The following SPOCK1 variants were observed in gnomAD, a reference collection of about 807,000 sequenced individuals.
SPOCK1 encodes SPARC (osteonectin), cwcv and kazal like domains proteoglycan 1.
SPOCK1 carries 23 observed loss-of-function variants against 55.3 expected under a neutral mutation model. The ratio of observed to expected loss-of-function variants is 0.42; its 90% CI spans 0.30 to 0.59. The LOEUF (loss-of-function observed/expected upper bound fraction) is 0.59, where lower values mean the gene tolerates loss of function less well. Among genes scored for constraint, SPOCK1 ranks in the 20% least tolerant of loss-of-function variants. The pLI, the probability that SPOCK1 is intolerant of heterozygous loss-of-function variation, is 0.22. For synonymous variants in SPOCK1, 226 were observed against 221.0 expected, an observed-to-expected ratio of 1.02 and a Z score of -0.20; for missense variants, 499 against 552.5, an observed-to-expected ratio of 0.90 and a Z score of 0.97.
At chr5:137,108,719 C>G (rs1213414625) in intron 5 of SPOCK1, among the ~76,000 whole-genome samples, 2 of 152,122 alleles carry the variant, frequency 1.3e-5, no homozygotes, top group Non-Finnish European at 2.9e-5. Context: ...CAGGCTGGTG[C>G]AGGAATTCAA....
At chr5:137,089,666 C>T (rs918209339) in intron 5 of SPOCK1, among the ~76,000 whole-genome samples, 4 of 152,156 alleles carry the variant, frequency 2.6e-5, no homozygotes, top group African/African-American at 9.7e-5. Flanking sequence ...ACTTTAATGT[C>T]TCTACTAAAA....
chr5:137,466,310 A>T (rs868394556), intron 2 of SPOCK1, among the ~76,000 whole-genome samples: 1 of 152,186 alleles, frequency 6.6e-6, no homozygotes, highest in Non-Finnish European at 1.5e-5. Context: ...GGGTATTAAG[A>T]GGGTCATGCC....
chr5:137,099,598 A>ATATATG (rs1222964069), intron 5 of SPOCK1, among the ~76,000 whole-genome samples: 1 of 152,044 alleles, frequency 6.6e-6, no homozygotes, highest in African/African-American at 2.4e-5. Flanking sequence ...ATATATGTAC[A>ATATATG]CATATATATA....
chr5:137,189,909 G>C (rs1015667008), intron 3 of SPOCK1, among the ~76,000 whole-genome samples: 1 of 151,878 alleles, frequency 6.6e-6, no homozygotes. Context: ...AATGCTCATG[G>C]GCGACTTTGA....
intron 5 of SPOCK1, among the ~76,000 whole-genome samples, chr5:137,091,501 C>G (rs562600019): frequency 6.6e-6 from 1 of 152,178 alleles, no homozygotes; most frequent in African/African-American, 2.4e-5. Flanking sequence ...CCACTGGCAG[C>G]CTTTACATTT....
At chr5:137,455,799 TG>T (rs1753352476) in intron 2 of SPOCK1, among the ~76,000 whole-genome samples, 1 of 151,896 alleles carries the variant, frequency 6.6e-6, no homozygotes. Flanking sequence ...GAGGTCGAGG[TG>T]GGAGGATCGC....
chr5:137,067,901 A>T, intron 5 of SPOCK1, 72 bp from the exon 6 acceptor site: 1 of 1,260,876 alleles, frequency 7.9e-7, no homozygotes. Flanking sequence ...CCTAAGAAAC[A>T]GCAGTGCCCT....
chr5:137,228,409 G>C lies in SPOCK1; in HGVS notation c.232+38601C>G, dbSNP rs569096073. On this transcript the variant is annotated intron_variant, in intron 3 of 10. Transcript: ENST00000394945. ...TAATGCTAGCACTTTGGGAGGCTGA[G>C]GTGGGTGGATCACTTGAGGCCAGGA... is the stretch of plus-strand genomic sequence containing the variant. 6.0e-4 allele frequency among the ~76,000 whole-genome samples: 92 copies of C among 152,212 alleles called. 1 individual carries two copies. The highest frequency in any genetic ancestry group is 1.2e-3 in the Non-Finnish European group (81 of 68,042).
chr5:137,443,517 G>A (rs750710173), intron 2 of SPOCK1, among the ~76,000 whole-genome samples: 25 of 152,170 alleles, frequency 1.6e-4, no homozygotes, highest in Non-Finnish European at 3.5e-4. Flanking sequence ...GCAGATGGCT[G>A]TCCCAGGCCA....
intron 2 of SPOCK1, among the ~76,000 whole-genome samples, chr5:137,318,516 G>C (rs1395095590): frequency 1.3e-5 from 2 of 152,182 alleles, no homozygotes; most frequent in Non-Finnish European, 2.9e-5. Context: ...TCAGTACCTT[G>C]AGAAGAGGTA....
chr5:137,011,390 C>T (rs1751345377), intron 6 of SPOCK1, among the ~76,000 whole-genome samples: 1 of 152,072 alleles, frequency 6.6e-6, no homozygotes, highest in African/African-American at 2.4e-5. Context: ...TAAGGACTCC[C>T]AGGAATTATA....
intron 4 of SPOCK1, among the ~76,000 whole-genome samples, chr5:137,121,628 C>G (rs1024132282): frequency 4.8e-5 from 7 of 145,714 alleles, no homozygotes; most frequent in Admixed American, 1.4e-4. Context: ...GAACATTATT[C>G]TTTATTACAT....
intron 3 of SPOCK1, among the ~76,000 whole-genome samples, chr5:137,216,408 T>C (rs767197714): frequency 6.6e-6 from 1 of 152,240 alleles, no homozygotes; most frequent in African/African-American, 2.4e-5. Context: ...GCAATGTTTC[T>C]TTCAAGGATC....
At chr5:137,213,019 G>A (rs867491538) in intron 3 of SPOCK1, among the ~76,000 whole-genome samples, 4 of 152,186 alleles carry the variant, frequency 2.6e-5, no homozygotes, top group Admixed American at 1.3e-4. Context: ...ATGCACTGCA[G>A]AGGCCTCTGC....
chr5:137,315,926 G>A (rs1757872671), intron 2 of SPOCK1, among the ~76,000 whole-genome samples: 1 of 152,190 alleles, frequency 6.6e-6, no homozygotes, highest in African/African-American at 2.4e-5. Flanking sequence ...CTTTCTGATA[G>A]CTCCCAGGTT....
intron 9 of SPOCK1, among the ~76,000 whole-genome samples, chr5:136,984,779 G>A (rs532580107): frequency 3.9e-5 from 6 of 152,318 alleles, no homozygotes; most frequent in African/African-American, 1.4e-4. Context: ...GGGAATGGAG[G>A]AAATGCTATA....
At chr5:137,023,376 G>A (rs3849043) in intron 6 of SPOCK1, among the ~76,000 whole-genome samples, 6,505 of 152,180 alleles carry the variant, frequency 0.043, 400 homozygotes, top group African/African-American at 0.13. Context: ...CCCCAGTAGA[G>A]AGTAGGGACT....
intron 3 of SPOCK1, among the ~76,000 whole-genome samples, chr5:137,156,078 A>G (rs1202088309): frequency 6.6e-6 from 1 of 152,170 alleles, no homozygotes; most frequent in Non-Finnish European, 1.5e-5. Flanking sequence ...ACCACATAGC[A>G]TCACCAGATA....
chr5:137,308,634 G>T (rs766217898), intron 2 of SPOCK1, among the ~76,000 whole-genome samples: 4 of 152,108 alleles, frequency 2.6e-5, no homozygotes, highest in African/African-American at 9.7e-5. Flanking sequence ...CCTAGCCCAG[G>T]GGTGGTAGCA....
Sources: allele counts gnomAD v4.1 joint callset (sites outside exome capture counted in the v4.1 genomes callset), GRCh38; gene constraint gnomAD v4.1.1; transcripts MANE v1.5; gene names NCBI Gene and HGNC (gene_info 2026-07-23, HGNC 2026-07-21).